Variants in ERBB4 observed in about 807,000 individuals in gnomAD.
ERBB4 encodes the protein receptor tyrosine-protein kinase erbB-4.
In ERBB4, 42 loss-of-function variants were observed where a neutral mutation model predicts 158.0. The ratio of observed to expected loss-of-function variants is 0.27; its 90% CI spans 0.21 to 0.34. ERBB4 has a LOEUF of 0.34. Ranked by LOEUF, ERBB4 falls within the 10% of genes least tolerant of loss-of-function variation. The probability of loss-of-function intolerance (pLI) is 1.00; values close to 1 mark genes in which losing one functional copy is unlikely to be tolerated. For synonymous variants in ERBB4, 583 were observed against 558.7 expected, an observed-to-expected ratio of 1.04 and a Z score of -0.61; for missense variants, 1,333 against 1,624.1, an observed-to-expected ratio of 0.82 and a Z score of 3.08.
At chr2:211,754,706 C>CTT (rs199650314) in intron 4 of ERBB4, among the ~76,000 whole-genome samples, 7 of 139,974 alleles carry the variant, frequency 5.0e-5, no homozygotes, top group South Asian at 2.3e-4. Context: ...TGTGCCCGAG[C>CTT]TTTTTTTTTT....
intron 3 of ERBB4, among the ~76,000 whole-genome samples, chr2:211,788,693 A>G (rs1291229222): frequency 6.6e-6 from 1 of 152,164 alleles, no homozygotes; most frequent in African/African-American, 2.4e-5. Flanking sequence ...GAGTGTGGAT[A>G]GTTTTAAGAT....
intron 2 of ERBB4, among the ~76,000 whole-genome samples, chr2:212,078,091 A>T (rs975787557): frequency 1.3e-5 from 2 of 152,100 alleles, no homozygotes; most frequent in Non-Finnish European, 2.9e-5. Flanking sequence ...ACAGGCAAAT[A>T]GTATTATCAA....
At position 212,011,954 on chromosome 2, in the gene ERBB4, A is replaced by AAAAAC. The variant is rs558275336; in HGVS notation, c.235-64343_235-64339dup. Among the ~76,000 whole-genome samples, 436 of 152,288 alleles carry AAAAAC rather than the reference A, an allele frequency of 2.9e-3. 1 individual carries two copies. The highest frequency in any genetic ancestry group is 0.01 in the African/African-American group (418 of 41,574). Reference sequence around the variant, plus strand: ...ATTTTATTGACTGGAATGCTTTTAGAAAAACAAAACAAAACAAAACTTCCT... The same window carrying AAAAAC: ...ATTTTATTGACTGGAATGCTTTTAGAAAAACAAAACAAAACAAAACAAAACTTCCT... On this transcript the variant is annotated intron_variant, in intron 2 of 27. Coordinates refer to ENST00000342788, the MANE Select transcript of ERBB4 (RefSeq NM_005235.3).
At chr2:211,851,692 A>T (rs1358999759) in intron 3 of ERBB4, among the ~76,000 whole-genome samples, 1 of 152,112 alleles carries the variant, frequency 6.6e-6, no homozygotes, top group African/African-American at 2.4e-5. Flanking sequence ...ATCCCATAAA[A>T]TAGCCCTTGC....
chr2:212,436,953 T>A (rs1460884876), intron 1 of ERBB4, among the ~76,000 whole-genome samples: 1 of 150,814 alleles, frequency 6.6e-6, no homozygotes, highest in Non-Finnish European at 1.5e-5. Context: ...TAGAAAAGAG[T>A]GGGTTGGAGA....
chr2:212,020,732 G>A (rs1248232161), intron 2 of ERBB4, among the ~76,000 whole-genome samples: 2 of 152,054 alleles, frequency 1.3e-5, no homozygotes, highest in East Asian at 3.8e-4. Context: ...GCCTGTAGTA[G>A]TTACTTTACT....
At chr2:212,285,509 G>A (rs545294080) in intron 1 of ERBB4, among the ~76,000 whole-genome samples, 21 of 152,158 alleles carry the variant, frequency 1.4e-4, no homozygotes, top group Non-Finnish European at 2.9e-4. Context: ...AAATTCAAGG[G>A]AAGACTGAAT....
At chr2:211,405,734 T>G (rs752043010) in intron 25 of ERBB4, among the ~76,000 whole-genome samples, 16 of 152,180 alleles carry the variant, frequency 1.1e-4, no homozygotes, top group Non-Finnish European at 2.2e-4. Context: ...TCAAAAAGGA[T>G]AGTAAGATGT....
chr2:212,413,981 T>C (rs1009763586), intron 1 of ERBB4, among the ~76,000 whole-genome samples: 5 of 152,190 alleles, frequency 3.3e-5, no homozygotes, highest in Admixed American at 2.6e-4. Flanking sequence ...GAAATAGTGA[T>C]AAAATGCTGG....
At chr2:212,408,663 A>C (rs2091417228) in intron 1 of ERBB4, among the ~76,000 whole-genome samples, 1 of 152,156 alleles carries the variant, frequency 6.6e-6, no homozygotes, top group African/African-American at 2.4e-5. Flanking sequence ...CTTACAAAAA[A>C]GAAAATACTG....
At chr2:211,912,417 TA>T (rs111615240) in intron 3 of ERBB4, among the ~76,000 whole-genome samples, 5,876 of 152,208 alleles carry the variant, frequency 0.039, 163 homozygotes, top group African/African-American at 0.073. Flanking sequence ...ACGTGAAGGA[TA>T]GGTTAATAAC....
At chr2:211,492,027 A>G (rs1455053942) in intron 20 of ERBB4, among the ~76,000 whole-genome samples, 1 of 151,840 alleles carries the variant, frequency 6.6e-6, no homozygotes, top group Admixed American at 6.6e-5. Flanking sequence ...TGGCTAATTC[A>G]GGACATACTG....
chr2:212,452,692 G>T (rs1479966370), intron 1 of ERBB4, among the ~76,000 whole-genome samples: 1 of 151,960 alleles, frequency 6.6e-6, no homozygotes, highest in Non-Finnish European at 1.5e-5. Flanking sequence ...ATTTAAAACT[G>T]CATCTTACAA....
At chr2:212,280,244 G>T (rs1478156581) in intron 1 of ERBB4, among the ~76,000 whole-genome samples, 1 of 151,558 alleles carries the variant, frequency 6.6e-6, no homozygotes, top group East Asian at 1.9e-4. Flanking sequence ...GGCAATTTTT[G>T]CTAGTAGAAC....
intron 1 of ERBB4, among the ~76,000 whole-genome samples, chr2:212,502,097 T>C (rs1047285837): frequency 6.6e-6 from 1 of 152,150 alleles, no homozygotes; most frequent in Admixed American, 6.5e-5. Flanking sequence ...TAAATTCTCA[T>C]GGATTGTTTA....
chr2:211,524,254 C>A (rs2066272857), intron 20 of ERBB4, among the ~76,000 whole-genome samples: 1 of 152,176 alleles, frequency 6.6e-6, no homozygotes, highest in South Asian at 2.1e-4. Flanking sequence ...GTTTACAATT[C>A]CTGAGCTAGA....
intron 1 of ERBB4, among the ~76,000 whole-genome samples, chr2:212,181,579 C>A (rs915674958): frequency 6.6e-6 from 1 of 151,718 alleles, no homozygotes; most frequent in African/African-American, 2.4e-5. Flanking sequence ...TACAGTCCTG[C>A]ACTCATTCAG....
chr2:212,013,374 G>T (rs2076436841), intron 2 of ERBB4, among the ~76,000 whole-genome samples: 1 of 152,172 alleles, frequency 6.6e-6, no homozygotes, highest in Non-Finnish European at 1.5e-5. Context: ...TTGAAAGAGA[G>T]CTTGATGATA....
rs1330531269 is a variant in ERBB4, at chr2:211,580,801, T to TA, written c.2302-18714dup. Among the ~76,000 whole-genome samples the TA allele has an allele frequency of 1.3e-3, 38 of 28,466 alleles. 3 individuals are homozygous for TA. The highest frequency in any genetic ancestry group is 4.1e-3 in the African/African-American group (35 of 8,498). 18.7% of individuals were successfully genotyped at this position (28,466 alleles called of 152,430 possible). A position where few individuals can be genotyped will look rare whatever the true frequency, so the allele number is the denominator to read the frequency against. ...AAAGAAATTGTGATATATATATATA[T>TA]ATATATATATAATATATATATATTA... On this transcript the variant is annotated intron_variant, in intron 19 of 27. Coordinates refer to ENST00000342788, the MANE Select transcript of ERBB4 (RefSeq NM_005235.3).
Sources: allele counts gnomAD v4.1 joint callset (sites outside exome capture counted in the v4.1 genomes callset), GRCh38; gene constraint gnomAD v4.1.1; transcripts MANE v1.5; gene names NCBI Gene and HGNC (gene_info 2026-07-23, HGNC 2026-07-21).